CPEB3: variants seen among roughly 807,000 people sequenced by gnomAD.
CPEB3 encodes cytoplasmic polyadenylation element binding protein 3.
In CPEB3, 20 loss-of-function variants were observed where a neutral mutation model predicts 67.2. That is an observed-to-expected ratio of 0.30 (90% confidence interval 0.21 to 0.43). The LOEUF (loss-of-function observed/expected upper bound fraction) is 0.43. CPEB3 is among the 20% of genes least tolerant of loss of function. CPEB3 has a pLI of 1.00. For missense variants in CPEB3, 746 were observed against 968.6 expected (o/e 0.77, Z 3.05); for synonymous variants, 376 against 393.1 (o/e 0.96, Z 0.51).
At chr10:92,157,788 A>G (rs1564825183) in intron 4 of CPEB3, among the ~76,000 whole-genome samples, 1 of 152,162 alleles carries the variant, frequency 6.6e-6, no homozygotes, top group Non-Finnish European at 1.5e-5. Flanking sequence ...TTCACAATAA[A>G]CCATATAACA....
intron 4 of CPEB3, among the ~76,000 whole-genome samples, chr10:92,169,149 T>C (rs1590291496): frequency 1.3e-5 from 2 of 150,038 alleles, no homozygotes; most frequent in East Asian, 3.9e-4. Flanking sequence ...TTGTTGTTTT[T>C]TTTTTTGAGA....
At chr10:92,098,774 T>TC (rs1328799212) in intron 7 of CPEB3, among the ~76,000 whole-genome samples, 22 of 144,604 alleles carry the variant, frequency 1.5e-4, no homozygotes, top group African/African-American at 5.4e-4. Context: ...TTTTTTCTTT[T>TC]TTTTTTTTTT....
At chr10:92,133,910 C>G (rs756795811) in intron 6 of CPEB3, among the ~76,000 whole-genome samples, 5 of 151,860 alleles carry the variant, frequency 3.3e-5, no homozygotes, top group Non-Finnish European at 7.4e-5. Flanking sequence ...CCAACAACAA[C>G]AAAAAAACCA....
intron 6 of CPEB3, chr10:92,118,939 C>CT: frequency 1.6e-6 from 2 of 1,258,672 alleles, no homozygotes; most frequent in Non-Finnish European, 2.3e-6. Context: ...TCCCTGGGAA[C>CT]TTTGAGTCTT....
intron 2 of CPEB3, among the ~76,000 whole-genome samples, chr10:92,207,258 C>G (rs1473664627): frequency 1.3e-5 from 2 of 152,116 alleles, no homozygotes; most frequent in Non-Finnish European, 2.9e-5. Context: ...GCTGGAATTA[C>G]AGGCATGCAC....
At chr10:92,246,653 C>A (rs1358173588) in intron 1 of CPEB3, among the ~76,000 whole-genome samples, 4 of 151,848 alleles carry the variant, frequency 2.6e-5, no homozygotes, top group Admixed American at 2.0e-4. Context: ...GGGTTTCAGG[C>A]ACCCACCACC....
chr10:92,108,727 G>A (rs11186827), intron 7 of CPEB3, among the ~76,000 whole-genome samples: 2,998 of 152,224 alleles, frequency 0.02, 114 homozygotes, highest in African/African-American at 0.066. Context: ...CTGTAATAAG[G>A]CAGAATTTGC....
At chr10:92,284,824 C>T (rs541873809) in intron 1 of CPEB3, among the ~76,000 whole-genome samples, 5 of 152,186 alleles carry the variant, frequency 3.3e-5, no homozygotes, top group Non-Finnish European at 5.9e-5. Flanking sequence ...CAGTCCCTAG[C>T]TTAGCGCCTG....
intron 8 of CPEB3, among the ~76,000 whole-genome samples, chr10:92,090,903 A>G (rs1426924449): frequency 1.3e-5 from 2 of 152,230 alleles, no homozygotes; most frequent in Admixed American, 1.3e-4. Context: ...ATAAGACCCA[A>G]TCAGAACAAA....
intron 2 of CPEB3, among the ~76,000 whole-genome samples, chr10:92,224,571 C>A (rs1049365972): frequency 6.6e-6 from 1 of 151,492 alleles, no homozygotes; most frequent in South Asian, 2.1e-4. Context: ...GAAAAAAAAA[C>A]AACAACAACA....
chr10:92,098,882 C>T (rs1029979222), intron 7 of CPEB3, among the ~76,000 whole-genome samples: 1 of 151,244 alleles, frequency 6.6e-6, no homozygotes, highest in Non-Finnish European at 1.5e-5. Context: ...AGCAATTCTC[C>T]TGCCTTGGTC....
At chr10:92,171,459 C>A (rs574598027) in intron 4 of CPEB3, among the ~76,000 whole-genome samples, 1 of 152,148 alleles carries the variant, frequency 6.6e-6, no homozygotes, top group Non-Finnish European at 1.5e-5. Context: ...TTTCACCCTA[C>A]GCCAATGAAA....
intron 1 of CPEB3, among the ~76,000 whole-genome samples, chr10:92,288,131 G>C (rs931584769): frequency 4.6e-5 from 7 of 152,070 alleles, no homozygotes; most frequent in Non-Finnish European, 1.0e-4. Context: ...TCATCAACTG[G>C]TGGATATTTG....
At chr10:92,256,428 T>C (rs2134839255) in intron 1 of CPEB3, among the ~76,000 whole-genome samples, 1 of 151,826 alleles carries the variant, frequency 6.6e-6, no homozygotes, top group East Asian at 1.9e-4. Flanking sequence ...TCTCACTCTG[T>C]TGCCCAGCTA....
rs773603302 is a variant in CPEB3, at chr10:92,239,410, G to C, written c.941C>G (p.Ser314Cys). The C allele has an allele frequency of 1.2e-5, 19 of 1,604,954 alleles. No homozygotes were observed. The highest frequency in any genetic ancestry group is 1.5e-5 in the Non-Finnish European group (18 of 1,175,624). The change falls in exon 2 of 10, where the codon TCC becomes TGC. Residue 314 changes from serine (S) to cysteine (C), a missense_variant. By Grantham distance (112) the Ser-to-Cys change is moderately radical. Around this residue, in one of 2 missense-constraint regions of CPEB3, gnomAD observed 643 missense variants for 717.5 expected, o/e 0.90. Coordinates refer to ENST00000265997, the MANE Select transcript of CPEB3 (RefSeq NM_014912.5). The surrounding 1 kb of genome is among the most constrained non-coding windows in gnomAD (Gnocchi z 6.0). ...PKFPRAAPLT[S>C]KSWMEDNAFR... ...AGCGTTATCCTCCATCCAGGACTTG[G>C]AAGTGAGAGGGGCCGCGCGAGGGAA...
chr10:92,124,582 T>G (rs1268068625), intron 6 of CPEB3, among the ~76,000 whole-genome samples: 1 of 152,052 alleles, frequency 6.6e-6, no homozygotes, highest in Non-Finnish European at 1.5e-5. Context: ...CCAAACAGTG[T>G]GAGCACTATA....
chr10:92,188,439 C>T (rs933677891), intron 3 of CPEB3, among the ~76,000 whole-genome samples: 27 of 151,146 alleles, frequency 1.8e-4, no homozygotes, highest in Admixed American at 8.6e-4. Context: ...TAAATTAGTC[C>T]GGCTGGGCGC....
chr10:92,078,194 C>T (rs1257083008), intron 9 of CPEB3, among the ~76,000 whole-genome samples: 1 of 152,132 alleles, frequency 6.6e-6, no homozygotes, highest in Non-Finnish European at 1.5e-5. Context: ...GGTCATATAA[C>T]CCCAAGGAGA....
chr10:92,137,256 TG>T, intron 6 of CPEB3: 1 of 597,306 alleles, frequency 1.7e-6, no homozygotes. Flanking sequence ...ATGGCTGTAT[TG>T]GGGGCACCAA....
Sources: gnomAD v4.1 joint callset for allele counts (sites outside exome capture counted in the v4.1 genomes callset) on GRCh38, gnomAD v4.1.1 for gene constraint, gnomAD v4.1.1 regional missense constraint, Gnocchi (gnomAD v3.1) non-coding constraint, MANE v1.5 for transcripts, NCBI Gene and HGNC (gene_info 2026-07-23, HGNC 2026-07-21) for gene names.